The following PDZD2 variants were observed in gnomAD, a reference collection of about 807,000 sequenced individuals.
The protein encoded by PDZD2 is PDZ domain-containing protein 2.
Under a neutral mutation model 220.7 loss-of-function variants are expected in PDZD2, and 90 were observed. That is an observed-to-expected ratio of 0.41 (90% CI 0.34 to 0.49). The LOEUF (loss-of-function observed/expected upper bound fraction) is 0.49. Among genes scored for constraint, PDZD2 ranks in the 20% least tolerant of loss-of-function variants. The pLI is 0.28. For synonymous variants in PDZD2, 1,375 were observed against 1,450.5 expected (o/e 0.95, Z 1.18); for missense variants, 3,174 against 3,608.5 (o/e 0.88, Z 3.08).
intron 1 of PDZD2, among the ~76,000 whole-genome samples, chr5:31,721,118 G>A (rs189929124): frequency 9.4e-4 from 143 of 152,334 alleles, no homozygotes; most frequent in Non-Finnish European, 1.6e-3. Flanking sequence ...ACAGACTGGC[G>A]TGGTCAGGGA....
At chr5:31,707,786 C>T (rs192651801) in intron 1 of PDZD2, among the ~76,000 whole-genome samples, 1 of 152,210 alleles carries the variant, frequency 6.6e-6, no homozygotes, top group East Asian at 1.9e-4. Context: ...ACCACCATGA[C>T]CAGGTAATTT....
intron 2 of PDZD2, chr5:31,822,446 T>C (rs1755943287): frequency 1.0e-5 from 4 of 399,020 alleles, no homozygotes; most frequent in Non-Finnish European, 1.9e-5. Context: ...AATTTTTTTA[T>C]AGTTTTTTTT....
intron 2 of PDZD2, among the ~76,000 whole-genome samples, chr5:31,966,418 G>T (rs377465441): frequency 3.3e-5 from 5 of 152,154 alleles, no homozygotes; most frequent in Non-Finnish European, 7.3e-5. Context: ...ACAATTTAGG[G>T]TTTCCTTAAT....
chr5:31,648,807 C>T (rs1040147913), intron 1 of PDZD2, among the ~76,000 whole-genome samples: 2 of 152,078 alleles, frequency 1.3e-5, no homozygotes, highest in African/African-American at 4.8e-5. Flanking sequence ...CCACATAGTT[C>T]ATTTGTTACA....
intron 2 of PDZD2, among the ~76,000 whole-genome samples, chr5:31,865,417 A>G (rs1361385949): frequency 6.6e-6 from 1 of 151,040 alleles, no homozygotes; most frequent in Non-Finnish European, 1.5e-5. Flanking sequence ...GGCCCAAGTG[A>G]TCCTGCCACC....
chr5:32,041,277 C>T (rs186017055), intron 7 of PDZD2, among the ~76,000 whole-genome samples: 1,924 of 149,792 alleles, frequency 0.013, 82 homozygotes, highest in African/African-American at 0.047. Context: ...CCTGGCCGCC[C>T]CGTCTGGGAA....
intron 2 of PDZD2, 144 bp from the exon 3 acceptor site, chr5:31,983,011 G>C (rs1272659779): frequency 1.4e-6 from 1 of 702,006 alleles, no homozygotes; most frequent in Non-Finnish European, 2.4e-6. Flanking sequence ...AATGAATTGG[G>C]TGTTGAATCT....
At chr5:31,895,724 C>G (rs939784113) in intron 2 of PDZD2, among the ~76,000 whole-genome samples, 1 of 152,072 alleles carries the variant, frequency 6.6e-6, no homozygotes. Flanking sequence ...CCACAAAATA[C>G]ACATACCTCC....
chr5:31,892,247 T>C (rs1297669341), intron 2 of PDZD2, among the ~76,000 whole-genome samples: 1 of 152,090 alleles, frequency 6.6e-6, no homozygotes, highest in Non-Finnish European at 1.5e-5. Flanking sequence ...GATTACCTTC[T>C]CCTCAAGGTC....
At chr5:31,923,402 G>T in intron 2 of PDZD2, 1 of 1,257,846 alleles carries the variant, frequency 8.0e-7, no homozygotes, top group Non-Finnish European at 1.2e-6. Context: ...AGCAGAGACT[G>T]CAGCAGCTCT....
At chr5:32,031,068 G>C (rs10223304) in intron 6 of PDZD2, among the ~76,000 whole-genome samples, 106,812 of 151,966 alleles carry the variant, frequency 0.7, 38,359 homozygotes, top group Non-Finnish European at 0.78. Context: ...AAAATCATTT[G>C]TCTCATGTTT....
chr5:31,662,681 G>T (rs572561718), intron 1 of PDZD2, among the ~76,000 whole-genome samples: 1 of 152,158 alleles, frequency 6.6e-6, no homozygotes, highest in Non-Finnish European at 1.5e-5. Context: ...CCAGGATGGA[G>T]TGCAGTGGCG....
At chr5:31,751,798 G>A (rs1750989861) in intron 1 of PDZD2, among the ~76,000 whole-genome samples, 1 of 151,976 alleles carries the variant, frequency 6.6e-6, no homozygotes, top group East Asian at 1.9e-4. Flanking sequence ...TTGTGAGGGT[G>A]GCCTTTCTGC....
At position 32,106,462 on chromosome 5, in the gene PDZD2, A is replaced by C. The variant is rs551663075; in HGVS notation, c.8354-1507A>C. ...AAGGGTTGAGGACCCCTGTCCTAGAAGACTTTCCTCTACTTCATCTCATTC... is the reference window on the plus strand; with the variant it reads ...AAGGGTTGAGGACCCCTGTCCTAGACGACTTTCCTCTACTTCATCTCATTC... On this transcript the variant is annotated intron_variant, in intron 24 of 24. Transcript: ENST00000438447. 2.0e-5 allele frequency: 3 copies of C among 152,398 alleles called. No homozygotes were observed. In the South Asian group the frequency reaches 6.2e-4, roughly 32 times the overall value. The allele number at this position is 152,398 out of a possible 1,614,324, so 9.4% of individuals were successfully genotyped here.
chr5:32,061,472 A>C (rs1305153009), intron 14 of PDZD2, among the ~76,000 whole-genome samples: 2 of 152,194 alleles, frequency 1.3e-5, no homozygotes, highest in Admixed American at 1.3e-4. Context: ...GACGATCTCT[A>C]TGACCCTGTC....
intron 1 of PDZD2, among the ~76,000 whole-genome samples, chr5:31,679,475 G>GTCTGT (rs1554062156): frequency 6.6e-6 from 1 of 151,560 alleles, no homozygotes; most frequent in African/African-American, 2.4e-5. Flanking sequence ...CTGTGTTGTG[G>GTCTGT]TGTGTTGTGT....
At chr5:31,876,205 A>G (rs375712111) in intron 2 of PDZD2, among the ~76,000 whole-genome samples, 7 of 151,730 alleles carry the variant, frequency 4.6e-5, no homozygotes, top group Admixed American at 1.3e-4. Context: ...TGGTTACTAT[A>G]CCAGCCAGTG....
chr5:32,089,602 C>A lies in PDZD2; in HGVS notation c.6154C>A (p.Gln2052Lys). 1 of 1,612,780 alleles carries A rather than the reference C, an allele frequency of 6.2e-7. No individual in the cohort carries two copies. Among genetic ancestry groups the A allele is most frequent in the Admixed American group, 1.7e-5 (1 of 60,030 alleles). Reference protein sequence around the residue: ...RNGMSVAGNRQSEPRLASHVA... With the variant: ...RNGMSVAGNRKSEPRLASHVA... ...CGGCATGTCCGTGGCAGGGAACAGA[C>A]AGAGTGAGCCGCGCCTGGCCAGCCA... The change falls in exon 20 of 25, where the codon CAG becomes AAG. Residue 2052 changes from glutamine (Q) to lysine (K), a missense_variant. Gln to Lys is a moderately conservative substitution (Grantham distance 53). This residue lies in a region of PDZD2 where 1,861 missense variants were observed against 2,001.0 expected (regional missense o/e 0.93). Coordinates refer to ENST00000438447, the MANE Select transcript of PDZD2 (RefSeq NM_178140.4).
intron 1 of PDZD2, among the ~76,000 whole-genome samples, chr5:31,774,184 C>T (rs1268415686): frequency 1.3e-5 from 2 of 152,110 alleles, no homozygotes; most frequent in African/African-American, 4.8e-5. Flanking sequence ...CTCACCCGTT[C>T]TTATTTCCCA....
Sources: gnomAD v4.1 joint callset for allele counts (sites outside exome capture counted in the v4.1 genomes callset) on GRCh38, gnomAD v4.1.1 for gene constraint, gnomAD v4.1.1 regional missense constraint, MANE v1.5 for transcripts, NCBI Gene and HGNC (gene_info 2026-07-23, HGNC 2026-07-21) for gene names.